The following PLXNA4 variants were observed in gnomAD, a reference collection of about 807,000 sequenced individuals.
PLXNA4 encodes plexin A4.
PLXNA4 carries 44 observed loss-of-function variants against 191.8 expected under a neutral mutation model. That is an observed-to-expected ratio of 0.23 (90% CI 0.18 to 0.29). The LOEUF (loss-of-function observed/expected upper bound fraction) is 0.29. Ranked by LOEUF, PLXNA4 falls within the 10% of genes least tolerant of loss-of-function variation. The pLI, the probability that PLXNA4 is intolerant of heterozygous loss-of-function variation, is 1.00. For missense variants in PLXNA4, 1,800 were observed against 2,488.8 expected (o/e 0.72, Z 5.89); for synonymous variants, 1,082 against 1,009.5 (o/e 1.07, Z -1.36).
chr7:132,572,164 A>C (rs562287802), intron 1 of PLXNA4, among the ~76,000 whole-genome samples: 107 of 152,312 alleles, frequency 7.0e-4, no homozygotes, highest in Non-Finnish European at 1.3e-3. Flanking sequence ...GATGAGGAGA[A>C]AGGTCAGATT....
chr7:132,635,063 A>G (rs968105796), intron 2 of PLXNA4, among the ~76,000 whole-genome samples: 4 of 151,808 alleles, frequency 2.6e-5, no homozygotes, highest in African/African-American at 7.3e-5. Flanking sequence ...CTGGACTCCA[A>G]GCTCTTCAGT....
chr7:132,501,823 G>C (rs1798269178), intron 2 of PLXNA4, among the ~76,000 whole-genome samples: 1 of 152,188 alleles, frequency 6.6e-6, no homozygotes, highest in Non-Finnish European at 1.5e-5. Flanking sequence ...CATGAGAGGT[G>C]GGCACTCAGA....
intron 4 of PLXNA4, among the ~76,000 whole-genome samples, chr7:132,297,780 A>C (rs897647198): frequency 6.6e-6 from 1 of 152,110 alleles, no homozygotes; most frequent in Non-Finnish European, 1.5e-5. Context: ...TGGACCCACA[A>C]TTTGGGCATC....
intron 2 of PLXNA4, among the ~76,000 whole-genome samples, chr7:132,490,903 T>C (rs1035462588): frequency 6.6e-5 from 10 of 152,150 alleles, no homozygotes; most frequent in African/African-American, 1.9e-4. Flanking sequence ...CTCTCTTTTT[T>C]ATACCAGGCC....
intron 4 of PLXNA4, among the ~76,000 whole-genome samples, chr7:132,250,386 A>T (rs1334563391): frequency 6.6e-6 from 1 of 152,258 alleles, no homozygotes; most frequent in African/African-American, 2.4e-5. Context: ...GAATGAATGA[A>T]TGTGGTTCCT....
intron 2 of PLXNA4, among the ~76,000 whole-genome samples, chr7:132,626,677 A>G (rs1302386880): frequency 6.6e-6 from 1 of 152,142 alleles, no homozygotes; most frequent in Non-Finnish European, 1.5e-5. Context: ...CAGAACCATG[A>G]GCCAATTAAA....
At chr7:132,630,519 T>G (rs551933685) in intron 2 of PLXNA4, among the ~76,000 whole-genome samples, 2 of 152,254 alleles carry the variant, frequency 1.3e-5, no homozygotes, top group South Asian at 4.2e-4. Flanking sequence ...TTTGTTTTTT[T>G]GTTTTGTTTT....
chr7:132,335,258 G>A (rs1217000807), intron 3 of PLXNA4, among the ~76,000 whole-genome samples: 1 of 152,188 alleles, frequency 6.6e-6, no homozygotes, highest in Non-Finnish European at 1.5e-5. Flanking sequence ...GGATTCTAGG[G>A]AGGATGAACA....
At chr7:132,407,423 G>A (rs985610561) in intron 3 of PLXNA4, among the ~76,000 whole-genome samples, 3 of 152,160 alleles carry the variant, frequency 2.0e-5, no homozygotes, top group Non-Finnish European at 4.4e-5. Flanking sequence ...CGGCACTCTG[G>A]ATTTCCTCCA....
intron 3 of PLXNA4, among the ~76,000 whole-genome samples, chr7:132,369,182 T>C (rs1804322394): frequency 6.6e-6 from 1 of 152,048 alleles, no homozygotes; most frequent in African/African-American, 2.4e-5. Context: ...AACTTCCTCT[T>C]CCCCTCGGGC....
chr7:132,629,425 C>T (rs1407637510), intron 2 of PLXNA4, among the ~76,000 whole-genome samples: 1 of 152,128 alleles, frequency 6.6e-6, no homozygotes, highest in Non-Finnish European at 1.5e-5. Context: ...ATGCTGAGTG[C>T]ACATTAATCT....
At chr7:132,627,934 C>T (rs965815312) in intron 2 of PLXNA4, among the ~76,000 whole-genome samples, 10 of 152,186 alleles carry the variant, frequency 6.6e-5, no homozygotes, top group African/African-American at 2.4e-4. Flanking sequence ...CTCTCCAAAC[C>T]CTCCACCAGA....
intron 1 of PLXNA4, among the ~76,000 whole-genome samples, chr7:132,543,740 T>C (rs563143416): frequency 3.6e-4 from 55 of 152,314 alleles, no homozygotes; most frequent in Middle Eastern, 3.4e-3. Context: ...TGGGGAGCCA[T>C]TGAAGATTCT....
At chr7:132,234,663 A>G (rs1283429417) in intron 5 of PLXNA4, among the ~76,000 whole-genome samples, 1 of 150,784 alleles carries the variant, frequency 6.6e-6, no homozygotes, top group African/African-American at 2.4e-5. Flanking sequence ...GGGCAGGGTT[A>G]AAAAAGAAAA....
At chr7:132,538,011 C>T (rs1342957970) in intron 1 of PLXNA4, among the ~76,000 whole-genome samples, 1 of 152,224 alleles carries the variant, frequency 6.6e-6, no homozygotes, top group Non-Finnish European at 1.5e-5. Context: ...CCTGCCCGAC[C>T]CCAAACCTGC....
At chr7:132,576,767 C>A, upstream of PLXNA4, 1 of 223,610 alleles carries the variant, frequency 4.5e-6, no homozygotes, top group South Asian at 1.6e-4. This position sits in a 1 kb window ranked among gnomAD's most constrained non-coding sequence, Gnocchi z 5.8. Flanking sequence ...CGGCGGCTCT[C>A]GGGGGCTGCG....
chr7:132,411,201 A>G (rs1794445978), intron 3 of PLXNA4, among the ~76,000 whole-genome samples: 5 of 152,148 alleles, frequency 3.3e-5, no homozygotes, highest in Admixed American at 3.3e-4. Context: ...CAACTCTCCC[A>G]TCTCTTCCCT....
At chr7:132,250,304 C>T (rs1799203126) in intron 4 of PLXNA4, among the ~76,000 whole-genome samples, 1 of 152,150 alleles carries the variant, frequency 6.6e-6, no homozygotes, top group African/African-American at 2.4e-5. Context: ...TCCACTATAC[C>T]TAGTACTCAG....
At chr7:132,478,745 A>T (rs1230064644) in intron 3 of PLXNA4, among the ~76,000 whole-genome samples, 1 of 152,202 alleles carries the variant, frequency 6.6e-6, no homozygotes, top group African/African-American at 2.4e-5. Context: ...GGATGCAATG[A>T]TGAGGGCAGG....
Sources: allele counts gnomAD v4.1 joint callset (sites outside exome capture counted in the v4.1 genomes callset), GRCh38; gene constraint gnomAD v4.1.1; non-coding constraint Gnocchi (gnomAD v3.1); transcripts MANE v1.5; gene names NCBI Gene and HGNC (gene_info 2026-07-23, HGNC 2026-07-21).